Variants in ZNF559 observed in about 807,000 individuals in gnomAD.
The protein encoded by ZNF559 is putative protein product of Nbla00121.
In ZNF559, 17 loss-of-function variants were observed where a neutral mutation model predicts 14.2. The ratio of observed to expected loss-of-function variants is 1.20; its 90% CI spans 0.82 to 1.80. The LOEUF is 1.80. Among genes scored for constraint, ZNF559 ranks in the 40% most tolerant of loss-of-function variants. The pLI is 0.00. For synonymous variants in ZNF559, 244 were observed against 212.4 expected (o/e 1.15, Z -1.29); for missense variants, 740 against 629.7 (o/e 1.18, Z -1.88).
Position 9,343,392 on chromosome 19 carries a change from A to G in ZNF559, c.*324A>G. 9.0e-7 allele frequency: 1 copy of G among 1,107,016 alleles called. No individual in the cohort carries two copies. Among genetic ancestry groups the G allele is most frequent in the South Asian group, 2.9e-5 (1 of 34,984 alleles). 68.6% of individuals were successfully genotyped at this position (1,107,016 alleles called of 1,614,324 possible). On this transcript the variant is annotated 3_prime_UTR_variant, in exon 7 of 7. Transcript: ENST00000603380. ...GGAGAGAAATGCTATGAATGTGAGG[A>G]AGGTGGAAAAGCTTTCATTATTTTC...
intron 2 of ZNF559, among the ~76,000 whole-genome samples, chr19:9,334,605 G>T (rs943735837): frequency 1.3e-5 from 2 of 152,170 alleles, no homozygotes; most frequent in African/African-American, 4.8e-5. Flanking sequence ...ATTTAGATGT[G>T]TCATGTGTGC....
Position 9,339,195 on chromosome 19 carries a change from C to T in ZNF559, c.36C>T (p.Asp12=). The T allele has an allele frequency of 6.2e-7, 1 of 1,613,782 alleles. No homozygotes were observed. Among genetic ancestry groups the T allele is most frequent in the Non-Finnish European group, 8.5e-7 (1 of 1,179,796 alleles). The change falls in exon 5 of 7, where the codon GAC becomes GAT. Residue 12 remains aspartate (D), a splice_region_variant and synonymous_variant. Coordinates refer to ENST00000603380, the MANE Select transcript of ZNF559 (RefSeq NM_032497.3). ...VAGWLTNYSQ[D]SVTFEDVAVD... is the part of the protein sequence containing the mutation. ...CCAGCATGTGTGTGATGGTTTAGGA[C>T]TCAGTGACCTTTGAGGATGTGGCTG...
chr19:9,334,608 A>G (rs1381622345), intron 2 of ZNF559, among the ~76,000 whole-genome samples: 2 of 152,198 alleles, frequency 1.3e-5, no homozygotes, highest in East Asian at 1.9e-4. Flanking sequence ...TAGATGTGTC[A>G]TGTGTGCATC....
chr19:9,339,445 C>G lies in ZNF559; in HGVS notation c.160+126C>G, dbSNP rs971070400. 7 of 1,113,974 alleles carry G rather than the reference C, an allele frequency of 6.3e-6. No homozygotes were observed. The Admixed American group carries it at 1.2e-4, about 19-fold the overall frequency. The allele number at this position is 1,113,974 out of a possible 1,614,324, so 69.0% of individuals were successfully genotyped here. ...AACAGGCGAAACATTGTTTCCATCT[C>G]ATAGACCTTACTGCCTTGTGATTTT... On this transcript the variant is annotated intron_variant, in intron 5 of 6. Transcript: ENST00000603380.
chr19:9,343,941 C>A lies in ZNF559; in HGVS notation c.*873C>A, dbSNP rs972335921. 5.1e-5 allele frequency: 24 copies of A among 474,244 alleles called. No homozygotes were observed. The highest frequency in any genetic ancestry group is 8.5e-5 in the African/African-American group (4 of 47,096). The allele number at this position is 474,244 out of a possible 1,614,324, so 29.4% of individuals were successfully genotyped here. A position where few individuals can be genotyped will look rare whatever the true frequency, so the allele number is the denominator to read the frequency against. ...CCCCATTTGTCACTACTACACTTCC[C>A]TAGTCTTTAAAACAATTTTAGGCTG... On this transcript the variant is annotated 3_prime_UTR_variant, in exon 7 of 7. Transcript: ENST00000603380.
chr19:9,343,843 G>A lies in ZNF559; in HGVS notation c.*775G>A. ...ATTAATAAAAATATCTAGCTGGTCT[G>A]AAGATCCTGAGTTATCTCAATTGTT... is the stretch of plus-strand genomic sequence containing the variant. On this transcript the variant is annotated 3_prime_UTR_variant, in exon 7 of 7. Transcript: ENST00000603380. The A allele has an allele frequency of 1.5e-5, 15 of 973,706 alleles. No homozygotes were observed. Among genetic ancestry groups the A allele is most frequent in the Non-Finnish European group, 1.7e-5 (14 of 819,504 alleles). The allele number at this position is 973,706 out of a possible 1,614,324, so 60.3% of individuals were successfully genotyped here.
intron 2 of ZNF559, among the ~76,000 whole-genome samples, chr19:9,327,048 G>A (rs995237180): frequency 2.6e-5 from 4 of 152,052 alleles, no homozygotes; most frequent in African/African-American, 9.7e-5. Flanking sequence ...AATGTACTGG[G>A]CTTCATATTA....
intron 3 of ZNF559, among the ~76,000 whole-genome samples, 178 bp from the exon 4 acceptor site, chr19:9,338,316 C>G (rs775672260): frequency 4.6e-5 from 7 of 152,172 alleles, no homozygotes; most frequent in Non-Finnish European, 7.3e-5. Flanking sequence ...TAAACTCTCT[C>G]TCTCCTGGTC....
chr19:9,338,161 T>C, intron 3 of ZNF559: 1 of 759,530 alleles, frequency 1.3e-6, no homozygotes, highest in Non-Finnish European at 2.2e-6. Context: ...TTCTGTGGTC[T>C]AAATCCTGGG....
At position 9,342,980 on chromosome 19, in the gene ZNF559, G is replaced by A. The variant is rs913392418; in HGVS notation, c.1529G>A (p.Arg510Gln). The A allele has an allele frequency of 2.7e-5, 43 of 1,614,012 alleles. No individual in the cohort carries two copies. Among genetic ancestry groups the A allele is most frequent in the African/African-American group, 4.0e-5 (3 of 74,916 alleles). The change falls in exon 7 of 7, where the codon CGA becomes CAA. Residue 510 changes from arginine to glutamine, a missense_variant. Arg to Gln is a conservative substitution (Grantham distance 43). Coordinates refer to ENST00000603380, the MANE Select transcript of ZNF559 (RefSeq NM_032497.3). ...TTTACTCGGTCCACATATCTTATTC[G>A]ACATCTAAGAAGTCATAGTGTGGAG... Reference protein sequence around the residue: ...KAFTRSTYLIRHLRSHSVEKP... With the variant: ...KAFTRSTYLIQHLRSHSVEKP...
At chr19:9,334,350 TTTTTGGAGCA>T (rs1180522880) in intron 2 of ZNF559, among the ~76,000 whole-genome samples, 1 of 152,202 alleles carries the variant, frequency 6.6e-6, no homozygotes, top group East Asian at 1.9e-4. Context: ...TCAAAAAGGT[TTTTTGGAGCA>T]TTTTGGATTT....
upstream of ZNF559, chr19:9,324,089 G>A: frequency 2.1e-6 from 3 of 1,460,428 alleles, no homozygotes; most frequent in Non-Finnish European, 2.8e-6. Context: ...GTTGGAAAAA[G>A]CCGCAGCAGC....
chr19:9,324,292 G>A (rs1382513327), intron 1 of ZNF559, 64 bp downstream of exon 1: 24 of 1,536,008 alleles, frequency 1.6e-5, no homozygotes, highest in Middle Eastern at 3.3e-4. Flanking sequence ...GAGTAGAAGG[G>A]TGGAAAGGGG....
chr19:9,338,669 C>A, intron 4 of ZNF559, 87 bp downstream of exon 4: 1 of 1,008,390 alleles, frequency 9.9e-7, no homozygotes, highest in Non-Finnish European at 1.6e-6. Context: ...AGGGCCCCTG[C>A]AAGCAAAGAG....
At position 9,337,836 on chromosome 19, in the gene ZNF559, T is replaced by A; in HGVS notation, c.-79T>A. ...ATGGCGCTTGATGACAGATGAGTAA[T>A]GCCTGTTGCTGAAAGATTGACGGTA... On this transcript the variant is annotated 5_prime_UTR_variant, in exon 3 of 7. It removes an upstream start codon present in the reference 5' UTR. Transcript: ENST00000603380. 1 of 1,482,932 alleles carries A rather than the reference T, an allele frequency of 6.7e-7. No homozygotes were observed. Among genetic ancestry groups the A allele is most frequent in the South Asian group, 1.3e-5 (1 of 74,180 alleles). 91.9% of individuals were successfully genotyped at this position (1,482,932 alleles called of 1,614,324 possible). A position where few individuals can be genotyped will look rare whatever the true frequency, so the allele number is the denominator to read the frequency against.
intron 2 of ZNF559, among the ~76,000 whole-genome samples, chr19:9,337,453 C>T (rs1263078767): frequency 6.6e-6 from 1 of 152,124 alleles, no homozygotes; most frequent in African/African-American, 2.4e-5. Flanking sequence ...GTTTGGGCAA[C>T]CCAGGCCTGT....
intron 2 of ZNF559, among the ~76,000 whole-genome samples, chr19:9,330,553 G>A (rs1296618643): frequency 6.6e-6 from 1 of 151,352 alleles, no homozygotes; most frequent in African/African-American, 2.4e-5. Flanking sequence ...TTTTTATTTT[G>A]TTGATTCTTC....
chr19:9,344,622 C>T lies in ZNF559; in HGVS notation c.*1554C>T, dbSNP rs1371712677. 1 of 151,214 alleles carries T rather than the reference C, an allele frequency of 6.6e-6. No homozygotes were observed. Among genetic ancestry groups the T allele is most frequent in the Non-Finnish European group, 1.5e-5 (1 of 67,900 alleles). 9.4% of individuals were successfully genotyped at this position (151,214 alleles called of 1,614,324 possible). A position where few individuals can be genotyped will look rare whatever the true frequency, so the allele number is the denominator to read the frequency against. ...CCTGATCGTGCCACTACACTCTAGC[C>T]TGGGCAACAGGATGAGACCCTGTCT... On this transcript the variant is annotated 3_prime_UTR_variant, in exon 7 of 7. Transcript: ENST00000603380.
rs747265027 is a variant in ZNF559 at position 9,341,147 on chromosome 19, A to AT, written c.212dup (p.Leu71PhefsTer22). The AT allele has an allele frequency of 1.9e-5, 30 of 1,613,808 alleles. No individual in the cohort carries two copies. Among genetic ancestry groups the AT allele is most frequent in the Non-Finnish European group, 2.4e-5 (28 of 1,179,982 alleles). On this transcript the variant is annotated frameshift_variant, in exon 6 of 7. Coordinates refer to ENST00000603380, the MANE Select transcript of ZNF559 (RefSeq NM_032497.3). LOFTEE classifies it low-confidence loss of function (END_TRUNC). ...ACCAAATGGTCAGCACCTCAGCAGA[A>AT]TTTTTTGCAGGGGAAAACATCCAGT... is the stretch of plus-strand genomic sequence containing the variant.
Sources: allele counts gnomAD v4.1 joint callset (sites outside exome capture counted in the v4.1 genomes callset), GRCh38; gene constraint gnomAD v4.1.1; transcripts MANE v1.5; gene names NCBI Gene and HGNC (gene_info 2026-07-23, HGNC 2026-07-21).